ZZEF1: variants seen among roughly 807,000 people sequenced by gnomAD.
The protein encoded by ZZEF1 is zinc finger ZZ-type and EF-hand domain containing 1.
ZZEF1 carries 157 observed loss-of-function variants against 342.8 expected under a neutral mutation model. The ratio of observed to expected loss-of-function variants is 0.46; its 90% confidence interval spans 0.40 to 0.52. The LOEUF is 0.52. Among genes scored for constraint, ZZEF1 ranks in the 20% least tolerant of loss-of-function variants. The pLI is 0.00. For synonymous variants in ZZEF1, 1,505 were observed against 1,429.1 expected, an observed-to-expected ratio of 1.05 and a Z score of -1.20; for missense variants, 3,480 against 3,725.6, an observed-to-expected ratio of 0.93 and a Z score of 1.72.
Position 4,021,190 on chromosome 17 carries a change from G to C in ZZEF1, c.7343C>G (p.Pro2448Arg), listed in dbSNP as rs747819821. 1 of 1,614,142 alleles carries C rather than the reference G, an allele frequency of 6.2e-7. No homozygotes were observed. The highest frequency in any genetic ancestry group is 8.5e-7 in the Non-Finnish European group (1 of 1,180,020). Residue 2448 changes from proline to arginine, a missense_variant, in exon 45 of 55, where the codon CCA becomes CGA. Coordinates refer to ENST00000381638, the MANE Select transcript of ZZEF1 (RefSeq NM_015113.4). ...AAGGGGGTCCAGCTTTTTCTGCTCT[G>C]GGTCGCCAGGGCTGCTGACTGGCCG... The part of the protein sequence containing the change: ...VERPVSSPGD[P>R]EQKKLDPLEG...
At chr17:4,036,041 A>G (rs2056653925) in intron 39 of ZZEF1, among the ~76,000 whole-genome samples, 1 of 146,344 alleles carries the variant, frequency 6.8e-6, no homozygotes. Context: ...CAGAGGTTGC[A>G]GTGAGCCGAG....
chr17:4,072,904 A>G (rs994661256), intron 24 of ZZEF1, 148 bp from the exon 25 acceptor site: 1 of 757,854 alleles, frequency 1.3e-6, no homozygotes, highest in Admixed American at 3.2e-5. Flanking sequence ...TAATTGTGAT[A>G]CTTTGTAAAC....
At chr17:4,140,181 T>C (rs2058819923) in intron 1 of ZZEF1, among the ~76,000 whole-genome samples, 1 of 152,212 alleles carries the variant, frequency 6.6e-6, no homozygotes, top group Admixed American at 6.5e-5. Flanking sequence ...CAGCTTCTTT[T>C]TATGTTTAAA....
chr17:4,131,376 T>C (rs1457634748), intron 1 of ZZEF1, among the ~76,000 whole-genome samples: 2 of 152,072 alleles, frequency 1.3e-5, no homozygotes, highest in Admixed American at 6.6e-5. Flanking sequence ...AGAGGAGATT[T>C]AGACAACTGG....
intron 16 of ZZEF1, among the ~76,000 whole-genome samples, chr17:4,083,637 CTTT>C (rs35907843): frequency 8.4e-5 from 10 of 118,642 alleles, no homozygotes; most frequent in East Asian, 2.6e-4. Flanking sequence ...GCTTTTGTTC[CTTT>C]TTTTTTTTTT....
intron 16 of ZZEF1, among the ~76,000 whole-genome samples, chr17:4,082,783 C>CT (rs970639470): frequency 4.7e-4 from 72 of 151,642 alleles, no homozygotes; most frequent in East Asian, 2.9e-3. Context: ...AAGAGATATA[C>CT]TTTTTTTTTG....
Position 4,096,113 on chromosome 17 carries a change from C to G in ZZEF1, c.1765-134G>C, listed in dbSNP as rs545953148. The stretch of plus-strand genomic sequence containing the variant: ...AAAAATATTTCAAACATATTAAGCC[C>G]TCAAAAAATAAGAAAGCTGTTTCCC... On this transcript the variant is annotated intron_variant, in intron 10 of 54. Transcript: ENST00000381638. 1.2e-5 allele frequency: 12 copies of G among 996,800 alleles called. No individual in the cohort carries two copies. In the East Asian group the frequency reaches 2.4e-4, roughly 20 times the overall value. The allele number at this position is 996,800 out of a possible 1,614,324, so 61.7% of individuals were successfully genotyped here.
chr17:4,007,983 C>T (rs985407862), intron 54 of ZZEF1, among the ~76,000 whole-genome samples: 12 of 151,930 alleles, frequency 7.9e-5, no homozygotes, highest in African/African-American at 2.9e-4. Context: ...GGGCCACACA[C>T]GCGATGATAT....
intron 49 of ZZEF1, among the ~76,000 whole-genome samples, chr17:4,015,108 A>G (rs988357124): frequency 2.2e-4 from 33 of 152,170 alleles, no homozygotes; most frequent in African/African-American, 8.0e-4. Flanking sequence ...GCTGGTGTGG[A>G]GCAAGGCTGG....
Position 4,090,813 on chromosome 17 carries a change from T to A in ZZEF1, c.1931A>T (p.Asp644Val), listed in dbSNP as rs1172389743. 2 of 1,613,936 alleles carry A rather than the reference T, an allele frequency of 1.2e-6. No individual in the cohort carries two copies. The highest frequency in any genetic ancestry group is 2.7e-5 in the African/African-American group (2 of 74,934). The change falls in exon 12 of 55, where the codon GAT becomes GTT. Residue 644 changes from aspartate (D) to valine (V), a missense_variant. Around this residue, in one of 5 missense-constraint regions of ZZEF1, gnomAD observed 1,528 missense variants for 1,624.1 expected, o/e 0.94. Transcript: ENST00000381638. The part of the protein sequence containing the change: ...FVKSRIGCSS[D>V]DLGEDDPIGW... ...AATAGGATCATCCTCTCCAAGGTCA[T>A]CAGATGAGCAACCAATCCTGTAAAG...
chr17:4,082,300 C>T, intron 17 of ZZEF1, 137 bp downstream of exon 17: 1 of 717,628 alleles, frequency 1.4e-6, no homozygotes, highest in Non-Finnish European at 2.4e-6. Context: ...CTATTTGGGT[C>T]ACCCACAGAA....
intron 1 of ZZEF1, among the ~76,000 whole-genome samples, chr17:4,127,630 T>C (rs1026965840): frequency 1.3e-5 from 2 of 152,064 alleles, no homozygotes; most frequent in Non-Finnish European, 2.9e-5. Flanking sequence ...GGCAGAAATC[T>C]GGGGGTGTAT....
Position 4,042,438 on chromosome 17 carries a change from G to A in ZZEF1, c.6297C>T (p.Pro2099=), listed in dbSNP as rs2056822561. The part of the protein sequence containing the change: ...ILGLLAAMLP[P]LKSGPTVPLI... ...AATAAATTGCCCTTACCGACTTTAAGGGAGGTAACATGGCTGCTAGTAATC... is the reference window on the plus strand; with the variant it reads ...AATAAATTGCCCTTACCGACTTTAAAGGAGGTAACATGGCTGCTAGTAATC... The change falls in exon 39 of 55, where the codon CCC becomes CCT. Residue 2099 remains proline, a synonymous_variant. Transcript: ENST00000381638. 6.2e-7 allele frequency: 1 copy of A among 1,611,932 alleles called. No individual in the cohort carries two copies. Among genetic ancestry groups the A allele is most frequent in the South Asian group, 1.1e-5 (1 of 90,594 alleles).
In ZZEF1 at chr17:4,072,716, T is replaced by C. The variant is rs201921229; in HGVS notation, c.3726A>G (p.Ala1242=). The C allele has an allele frequency of 4.3e-6, 7 of 1,613,898 alleles. No individual in the cohort carries two copies. In the African/African-American group the frequency reaches 6.7e-5, roughly 15 times the overall value. The part of the protein sequence containing the change: ...SNMVVPQAKM[A]LVLSSPLWKP... ...TCCACAGTGGGGAGCTTAGGACTAA[T>C]GCCATTTTTGCCTGAGGTACTACCA... Residue 1242 remains alanine, a synonymous_variant, in exon 25 of 55, where the codon GCA becomes GCG. Coordinates refer to ENST00000381638, the MANE Select transcript of ZZEF1 (RefSeq NM_015113.4).
chr17:4,043,110 C>T (rs1249023843), intron 38 of ZZEF1, among the ~76,000 whole-genome samples: 1 of 152,228 alleles, frequency 6.6e-6, no homozygotes, highest in Admixed American at 6.5e-5. Context: ...CCCCGCCCTC[C>T]CCATCTCCCT....
chr17:4,112,033 A>AATATATATATAT (rs57925351), intron 5 of ZZEF1, among the ~76,000 whole-genome samples: 2 of 54,478 alleles, frequency 3.7e-5, no homozygotes, highest in African/African-American at 5.6e-5. Flanking sequence ...ATCCTGTCTA[A>AATATATATATAT]ATATATATAT....
At chr17:4,070,416 T>C (rs1416166384) in intron 26 of ZZEF1, among the ~76,000 whole-genome samples, 4 of 152,184 alleles carry the variant, frequency 2.6e-5, no homozygotes, top group African/African-American at 9.7e-5. Flanking sequence ...TTCCATTAAA[T>C]TTCTCAGCAG....
intron 42 of ZZEF1, among the ~76,000 whole-genome samples, chr17:4,025,804 C>A (rs530476075): frequency 6.6e-6 from 1 of 152,286 alleles, no homozygotes; most frequent in East Asian, 1.9e-4. Flanking sequence ...GAAACAATAG[C>A]TTGCAGATAT....
chr17:4,085,468 A>C (rs1203002600), intron 16 of ZZEF1, among the ~76,000 whole-genome samples: 1 of 152,250 alleles, frequency 6.6e-6, no homozygotes, highest in Non-Finnish European at 1.5e-5. Context: ...TCCGATCATG[A>C]AACACAGATT....
Sources: gnomAD v4.1 joint callset for allele counts (sites outside exome capture counted in the v4.1 genomes callset) on GRCh38, gnomAD v4.1.1 for gene constraint, gnomAD v4.1.1 regional missense constraint, MANE v1.5 for transcripts, NCBI Gene and HGNC (gene_info 2026-07-23, HGNC 2026-07-21) for gene names.